Variants in C19orf47 observed in about 807,000 individuals in gnomAD.
The protein encoded by C19orf47 is uncharacterized protein C19orf47.
In C19orf47, 18 loss-of-function variants were observed where a neutral mutation model predicts 32.3. The ratio of observed to expected loss-of-function variants is 0.56; its 90% CI spans 0.39 to 0.83. The LOEUF (loss-of-function observed/expected upper bound fraction) is 0.83. Ranked by LOEUF, C19orf47 falls within the 40% of genes least tolerant of loss-of-function variation. The probability of loss-of-function intolerance (pLI) is 0.00; values close to 1 mark genes in which losing one functional copy is unlikely to be tolerated. For synonymous variants in C19orf47, 202 were observed against 211.1 expected (o/e 0.96, Z 0.37); for missense variants, 484 against 531.6 (o/e 0.91, Z 0.88).
the C19orf47 span, among the ~76,000 whole-genome samples, chr19:40,313,417 T>A: frequency 1.3e-5 from 2 of 152,108 alleles, no homozygotes; most frequent in Non-Finnish European, 2.9e-5. Context: ...TTCTACCTGT[T>A]GCGCTCAAGT....
chr19:40,307,917 C>T, the C19orf47 span, among the ~76,000 whole-genome samples: 1 of 151,742 alleles, frequency 6.6e-6, no homozygotes, highest in Non-Finnish European at 1.5e-5. Flanking sequence ...CCTGCCTCAG[C>T]CTCCCAAGTA....
the C19orf47 span, among the ~76,000 whole-genome samples, chr19:40,302,470 ATTT>A: frequency 6.6e-6 from 1 of 151,694 alleles, no homozygotes; most frequent in African/African-American, 2.4e-5. Context: ...ATTTTTTTGT[ATTT>A]TTTATAGAGA....
At chr19:40,296,187 A>G in the C19orf47 span, among the ~76,000 whole-genome samples, 1 of 152,244 alleles carries the variant, frequency 6.6e-6, no homozygotes, top group Admixed American at 6.5e-5. Context: ...CCTACTATAT[A>G]CCTAGGCTAT....
chr19:40,298,143 A>G, the C19orf47 span, among the ~76,000 whole-genome samples: 5 of 152,088 alleles, frequency 3.3e-5, no homozygotes, highest in East Asian at 9.6e-4. Flanking sequence ...AATTGTTAAG[A>G]ACATGTGAAA....
rs1413454152 is a variant in C19orf47, at chr19:40,336,381, T to G, written c.46A>C (p.Lys16Gln). The G allele has an allele frequency of 6.2e-7, 1 of 1,614,088 alleles. No individual in the cohort carries two copies. Among genetic ancestry groups the G allele is most frequent in the Admixed American group, 1.7e-5 (1 of 60,000 alleles). ...GGTCCTGGAGGAATGCCGGCTTCCTTAAAGAACTGGATCCACTCGGAAGTG... is the reference window on the plus strand; with the variant it reads ...GGTCCTGGAGGAATGCCGGCTTCCTGAAAGAACTGGATCCACTCGGAAGTG... ...MATSEWIQFF[K>Q]EAGIPPGPAV... is the part of the protein sequence containing the mutation. Residue 16 changes from lysine to glutamine, a missense_variant, in exon 3 of 9, where the codon AAG becomes CAG. By Grantham distance (53) the Lys-to-Gln change is moderately conservative. This residue lies in a region of C19orf47 where 57 missense variants were observed against 86.9 expected (regional missense o/e 0.66). Coordinates refer to ENST00000683109, the MANE Select transcript of C19orf47 (RefSeq NM_001256441.2).
Position 40,321,194 on chromosome 19 carries a change from GC to G in C19orf47, c.*687del. 1 of 972,406 alleles carries G rather than the reference GC, an allele frequency of 1.0e-6. No individual in the cohort carries two copies. Among genetic ancestry groups the G allele is most frequent in the South Asian group, 4.8e-5 (1 of 20,984 alleles). The allele number at this position is 972,406 out of a possible 1,614,324, so 60.2% of individuals were successfully genotyped here. A position where few individuals can be genotyped will look rare whatever the true frequency, so the allele number is the denominator to read the frequency against. Reference sequence around the variant, plus strand: ...AGATGCCCAGGGCAGGAAAACGGATGCGCCTCAGCCGCAGCCCAGGGTCTGG... The same window carrying G: ...AGATGCCCAGGGCAGGAAAACGGATGGCCTCAGCCGCAGCCCAGGGTCTGG... On this transcript the variant is annotated 3_prime_UTR_variant, in exon 9 of 9. Coordinates refer to ENST00000683109, the MANE Select transcript of C19orf47 (RefSeq NM_001256441.2).
chr19:40,333,139 T>A (rs1457214189), intron 5 of C19orf47, among the ~76,000 whole-genome samples: 1 of 151,914 alleles, frequency 6.6e-6, no homozygotes, highest in East Asian at 1.9e-4. Context: ...GTGCCTGTAA[T>A]CCCAGCTACT....
chr19:40,295,449 G>C, the C19orf47 span, among the ~76,000 whole-genome samples: 1 of 148,640 alleles, frequency 6.7e-6, no homozygotes, highest in Non-Finnish European at 1.5e-5. Flanking sequence ...TTTTTTGTTT[G>C]TTTGAGACTG....
rs372214531 is a variant in C19orf47, at chr19:40,328,445, T to G, written c.407A>C (p.Asn136Thr). Residue 136 changes from asparagine to threonine, a missense_variant, in exon 6 of 9, where the codon AAC becomes ACC. By Grantham distance (65) the Asn-to-Thr change is moderately conservative (BLOSUM62 0). This residue lies in a region of C19orf47 where 376 missense variants were observed against 370.2 expected (regional missense o/e 1.02). Coordinates refer to ENST00000683109, the MANE Select transcript of C19orf47 (RefSeq NM_001256441.2). ...STSKISVTVS[N>T]KMAAKSAKAT... is the part of the protein sequence containing the mutation. The stretch of plus-strand genomic sequence containing the variant: ...CTTGGCACTCTTTGCTGCCATCTTG[T>G]TGGACACAGTGACCGAGATCTTGGA... The G allele has an allele frequency of 6.4e-5, 103 of 1,612,910 alleles. No individual in the cohort carries two copies. The highest frequency in any genetic ancestry group is 8.1e-5 in the Non-Finnish European group (96 of 1,179,516).
upstream of C19orf47, chr19:40,348,407 G>T (rs370249381): frequency 1.4e-6 from 2 of 1,395,564 alleles, no homozygotes; most frequent in Non-Finnish European, 9.4e-7. Flanking sequence ...CCCCCGGCCC[G>T]GGCTGCCCGC....
the C19orf47 span, among the ~76,000 whole-genome samples, chr19:40,295,871 C>T: frequency 6.6e-6 from 1 of 152,152 alleles, no homozygotes; most frequent in Admixed American, 6.5e-5. Flanking sequence ...CTCAACCTCC[C>T]GAGTAGGTGG....
chr19:40,311,012 C>T, the C19orf47 span, among the ~76,000 whole-genome samples: 3 of 152,092 alleles, frequency 2.0e-5, no homozygotes, highest in African/African-American at 4.8e-5. Context: ...CCGAGGTGAG[C>T]GGATTGCTTG....
chr19:40,316,990 C>A (rs1369969662), downstream of C19orf47, among the ~76,000 whole-genome samples: 1 of 152,010 alleles, frequency 6.6e-6, no homozygotes, highest in Non-Finnish European at 1.5e-5. Context: ...AAAGATTACA[C>A]AAGAAATTGG....
At chr19:40,306,791 A>ATT in the C19orf47 span, among the ~76,000 whole-genome samples, 865 of 140,042 alleles carry the variant, frequency 6.2e-3, 8 homozygotes, top group Non-Finnish European at 7.1e-3. Flanking sequence ...TGTCATTAAA[A>ATT]TTTTTTTTTT....
the C19orf47 span, among the ~76,000 whole-genome samples, chr19:40,312,925 T>C: frequency 1.3e-5 from 2 of 152,240 alleles, no homozygotes; most frequent in Non-Finnish European, 2.9e-5. Context: ...CCACAATCTG[T>C]CCATTCTCCA....
intron 2 of C19orf47, among the ~76,000 whole-genome samples, chr19:40,336,766 A>G (rs1037115604): frequency 2.0e-5 from 3 of 152,016 alleles, no homozygotes; most frequent in South Asian, 4.1e-4. Context: ...TGGGCCCATG[A>G]CTGATTTAGG....
the C19orf47 span, among the ~76,000 whole-genome samples, chr19:40,296,148 G>C: frequency 6.6e-6 from 1 of 152,196 alleles, no homozygotes; most frequent in Non-Finnish European, 1.5e-5. Context: ...ACATCAGAAA[G>C]TGTATTTACG....
chr19:40,345,795 G>C (rs570953959), intron 1 of C19orf47, among the ~76,000 whole-genome samples: 1 of 139,826 alleles, frequency 7.2e-6, no homozygotes, highest in Admixed American at 7.7e-5. Context: ...GTTGCAGTGA[G>C]CCAAGATTAC....
chr19:40,297,608 G>A, the C19orf47 span, among the ~76,000 whole-genome samples: 4 of 149,010 alleles, frequency 2.7e-5, no homozygotes, highest in Non-Finnish European at 4.4e-5. Flanking sequence ...GGCTGAGGCA[G>A]AGAATTGCTT....
Sources: allele counts gnomAD v4.1 joint callset (sites outside exome capture counted in the v4.1 genomes callset), GRCh38; gene constraint gnomAD v4.1.1; regional missense constraint gnomAD v4.1.1; transcripts MANE v1.5; gene names NCBI Gene and HGNC (gene_info 2026-07-23, HGNC 2026-07-21).